The following CDH12 variants were observed in gnomAD, a reference collection of about 807,000 sequenced individuals.
CDH12 encodes cadherin-12.
A neutral mutation model predicts 74.1 loss-of-function variants in CDH12; 41 were observed. The ratio of observed to expected loss-of-function variants is 0.55; its 90% CI spans 0.43 to 0.72. CDH12 has a LOEUF of 0.72. CDH12 is among the 30% of genes least tolerant of loss of function. The pLI, the probability that CDH12 is intolerant of heterozygous loss-of-function variation, is 0.00. For synonymous variants in CDH12, 399 were observed against 355.0 expected, an observed-to-expected ratio of 1.12 and a Z score of -1.39; for missense variants, 945 against 977.2, an observed-to-expected ratio of 0.97 and a Z score of 0.44.
intron 2 of CDH12, among the ~76,000 whole-genome samples, chr5:22,466,800 T>C (rs1408969345): frequency 6.5e-4 from 90 of 137,434 alleles, no homozygotes; most frequent in Non-Finnish European, 3.9e-4. Context: ...TTTTTTTTTT[T>C]TTTTTTTGAG....
At chr5:22,030,220 T>C (rs200503263) in intron 5 of CDH12, among the ~76,000 whole-genome samples, 1 of 151,900 alleles carries the variant, frequency 6.6e-6, no homozygotes, top group Non-Finnish European at 1.5e-5. Flanking sequence ...CATATGTAAC[T>C]AACCTGCACA....
At chr5:22,274,876 T>C (rs1378112050) in intron 3 of CDH12, among the ~76,000 whole-genome samples, 1 of 152,226 alleles carries the variant, frequency 6.6e-6, no homozygotes, top group Non-Finnish European at 1.5e-5. Context: ...GAAATGATTT[T>C]CATTTCTTGA....
chr5:22,113,864 A>G (rs1744948502), intron 4 of CDH12, among the ~76,000 whole-genome samples: 1 of 152,108 alleles, frequency 6.6e-6, no homozygotes, highest in South Asian at 2.1e-4. Flanking sequence ...TTCCTATTTT[A>G]ATAATATTTC....
chr5:22,521,136 A>G (rs1737037863), intron 1 of CDH12, among the ~76,000 whole-genome samples: 1 of 152,020 alleles, frequency 6.6e-6, no homozygotes, highest in Admixed American at 6.6e-5. Context: ...AAAGATCTCT[A>G]TTGAAAGTGT....
intron 3 of CDH12, among the ~76,000 whole-genome samples, chr5:22,292,113 T>A (rs1256716294): frequency 3.3e-5 from 5 of 152,074 alleles, no homozygotes; most frequent in African/African-American, 1.2e-4. Context: ...GGACAATCTC[T>A]CAATAAATGA....
chr5:21,926,515 C>T (rs1037723514), intron 6 of CDH12, among the ~76,000 whole-genome samples: 1 of 152,158 alleles, frequency 6.6e-6, no homozygotes, highest in Non-Finnish European at 1.5e-5. Context: ...TAGGGCAACA[C>T]CACCAGTTTC....
At chr5:22,697,233 G>T (rs1742417253) in intron 1 of CDH12, among the ~76,000 whole-genome samples, 2 of 152,126 alleles carry the variant, frequency 1.3e-5, no homozygotes, top group African/African-American at 2.4e-5. Flanking sequence ...ATTTGATACA[G>T]AGATGTTGCA....
intron 1 of CDH12, among the ~76,000 whole-genome samples, chr5:22,606,035 C>T (rs1737098922): frequency 6.6e-6 from 1 of 152,164 alleles, no homozygotes; most frequent in Non-Finnish European, 1.5e-5. Context: ...GGATACTGTC[C>T]TCCATTATTG....
chr5:22,629,605 A>G (rs1260413781), intron 1 of CDH12, among the ~76,000 whole-genome samples: 1 of 152,132 alleles, frequency 6.6e-6, no homozygotes, highest in Non-Finnish European at 1.5e-5. Flanking sequence ...TTGAAAGAAC[A>G]TACTTTACAA....
In CDH12 at chr5:22,186,825, A is replaced by T. The variant is rs1749979603; in HGVS notation, c.-187+25673T>A. ...TTGAAATAACAAATAAGTTGTAATG[A>T]CACAGTTGATAGAAAATGGAAAATG... On this transcript the variant is annotated intron_variant, in intron 4 of 14. Coordinates refer to ENST00000382254, the MANE Select transcript of CDH12 (RefSeq NM_004061.5). Among the ~76,000 whole-genome samples the T allele has an allele frequency of 2.6e-5, 4 of 152,324 alleles. No individual in the cohort carries two copies. The South Asian group carries it at 8.3e-4, about 32-fold the overall frequency.
At chr5:22,368,524 A>G (rs1389506284) in intron 3 of CDH12, among the ~76,000 whole-genome samples, 1 of 148,240 alleles carries the variant, frequency 6.7e-6, no homozygotes, top group Non-Finnish European at 1.5e-5. Context: ...GGCTGGTTTC[A>G]AACTCCTGGG....
At chr5:22,384,595 G>T (rs1378864271) in intron 3 of CDH12, among the ~76,000 whole-genome samples, 1 of 148,058 alleles carries the variant, frequency 6.8e-6, no homozygotes, top group Non-Finnish European at 1.5e-5. Flanking sequence ...AACTAATTCA[G>T]AAAAAAAGGT....
At chr5:21,809,307 C>A (rs1357618579) in intron 9 of CDH12, among the ~76,000 whole-genome samples, 1 of 152,108 alleles carries the variant, frequency 6.6e-6, no homozygotes, top group South Asian at 2.1e-4. Flanking sequence ...TTGCAAGAAA[C>A]TCTAGTGCTT....
At chr5:22,809,527 T>C (rs1484370368) in intron 1 of CDH12, among the ~76,000 whole-genome samples, 1 of 151,824 alleles carries the variant, frequency 6.6e-6, no homozygotes, top group African/African-American at 2.4e-5. Context: ...CAGTCCAGGC[T>C]CAACCTAAAA....
intron 5 of CDH12, among the ~76,000 whole-genome samples, chr5:22,054,484 C>CT (rs1461992729): frequency 6.6e-6 from 1 of 151,960 alleles, no homozygotes; most frequent in Non-Finnish European, 1.5e-5. Flanking sequence ...CTTAAAAGAA[C>CT]TAATAGAATG....
chr5:22,813,729 C>A (rs575876202), intron 1 of CDH12, among the ~76,000 whole-genome samples: 3 of 152,032 alleles, frequency 2.0e-5, no homozygotes, highest in African/African-American at 7.2e-5. Flanking sequence ...AACTGCTCAA[C>A]TGCAAAAAAA....
intron 1 of CDH12, among the ~76,000 whole-genome samples, chr5:22,655,479 T>G (rs934499755): frequency 2.0e-5 from 3 of 152,246 alleles, no homozygotes; most frequent in Non-Finnish European, 4.4e-5. Context: ...CATCTTCTAT[T>G]AATATCTTGA....
chr5:22,374,945 T>TA (rs200607076), intron 3 of CDH12, among the ~76,000 whole-genome samples: 3,279 of 151,848 alleles, frequency 0.022, 63 homozygotes, highest in African/African-American at 0.05. Flanking sequence ...TTCACAGAAT[T>TA]AAAAAAAATC....
intron 4 of CDH12, among the ~76,000 whole-genome samples, chr5:22,194,193 G>T (rs1249273619): frequency 1.3e-5 from 2 of 152,108 alleles, no homozygotes; most frequent in Admixed American, 6.5e-5. Flanking sequence ...GGTTAACAGA[G>T]ATGGAACATT....
Sources: allele counts gnomAD v4.1 joint callset (sites outside exome capture counted in the v4.1 genomes callset), GRCh38; gene constraint gnomAD v4.1.1; transcripts MANE v1.5; gene names NCBI Gene and HGNC (gene_info 2026-07-23, HGNC 2026-07-21).